Variants in BASP1 observed in about 807,000 individuals in gnomAD.
BASP1 encodes brain acid soluble protein 1.
Under a neutral mutation model 2.2 loss-of-function variants are expected in BASP1, and 1 was observed. The ratio of observed to expected loss-of-function variants is 0.46; its 90% confidence interval spans 0.16 to 2.17. The LOEUF (loss-of-function observed/expected upper bound fraction) is 2.17, where lower values mean the gene tolerates loss of function less well. Ranked by LOEUF, BASP1 falls within the 30% of genes most tolerant of loss-of-function variation. The pLI is 0.27. For synonymous variants in BASP1, 187 were observed against 154.2 expected (o/e 1.21, Z -1.58); for missense variants, 352 against 327.2 (o/e 1.08, Z -0.58).
intron 1 of BASP1, among the ~76,000 whole-genome samples, chr5:17,220,779 GAT>G (rs1353817196): frequency 1.2e-4 from 18 of 152,210 alleles, no homozygotes; most frequent in African/African-American, 3.9e-4. Context: ...AATCCTCCTG[GAT>G]CTTATGGTGC....
chr5:17,266,628 G>A (rs1740420164), intron 1 of BASP1, among the ~76,000 whole-genome samples: 1 of 152,092 alleles, frequency 6.6e-6, no homozygotes, highest in Non-Finnish European at 1.5e-5. Context: ...CCAACATGGT[G>A]AAACCCCGTC....
rs372354708 is a variant in BASP1, at chr5:17,275,456, G to A, written c.240G>A (p.Glu80=). 1 of 1,513,422 alleles carries A rather than the reference G, an allele frequency of 6.6e-7. No individual in the cohort carries two copies. The highest frequency in any genetic ancestry group is 2.3e-5 in the Admixed American group (1 of 42,972). 93.7% of individuals were successfully genotyped at this position (1,513,422 alleles called of 1,614,324 possible). A position where few individuals can be genotyped will look rare whatever the true frequency, so the allele number is the denominator to read the frequency against. ...EGEKDAAAAK[E]EAPKAEPEKT... ...AGAAGGACGCGGCGGCTGCCAAGGA[G>A]GAGGCCCCGAAGGCGGAGCCCGAGA... The change falls in exon 2 of 2, where the codon GAG becomes GAA. Residue 80 remains glutamate, a synonymous_variant. Coordinates refer to ENST00000322611, the MANE Select transcript of BASP1 (RefSeq NM_006317.5). The surrounding 1 kb of genome is among the most constrained non-coding windows in gnomAD (Gnocchi z 5.3).
At chr5:17,221,577 G>A (rs1042030625) in intron 1 of BASP1, among the ~76,000 whole-genome samples, 7 of 151,936 alleles carry the variant, frequency 4.6e-5, no homozygotes, top group Middle Eastern at 3.2e-3. Flanking sequence ...GTAACTGCTG[G>A]GGAAAAACAC....
At position 17,275,397 on chromosome 5, in the gene BASP1, G is replaced by A. The variant is rs2126523778; in HGVS notation, c.181G>A (p.Asp61Asn). 3 of 1,580,190 alleles carry A rather than the reference G, an allele frequency of 1.9e-6. No homozygotes were observed. In the East Asian group the frequency reaches 6.9e-5, roughly 36 times the overall value. Residue 61 changes from aspartate (D) to asparagine (N), a missense_variant, in exon 2 of 2, where the codon GAC becomes AAC. Coordinates refer to ENST00000322611, the MANE Select transcript of BASP1 (RefSeq NM_006317.5). The surrounding 1 kb of genome is among the most constrained non-coding windows in gnomAD (Gnocchi z 5.3). ...AKEGKEKPDQ[D>N]AEGKAEEKEG... ...GGAGGGCAAGGAGAAGCCCGACCAG[G>A]ACGCCGAGGGCAAGGCCGAGGAGAA...
chr5:17,235,495 C>T (rs1305712294), intron 1 of BASP1, among the ~76,000 whole-genome samples: 1 of 152,116 alleles, frequency 6.6e-6, no homozygotes, highest in Non-Finnish European at 1.5e-5. Context: ...ATCTCATGAC[C>T]TCATGATCAG....
At chr5:17,242,622 C>T (rs1314487514) in intron 1 of BASP1, among the ~76,000 whole-genome samples, 1 of 152,028 alleles carries the variant, frequency 6.6e-6, no homozygotes, top group African/African-American at 2.4e-5. Flanking sequence ...TTTATAAATG[C>T]TCAAGTCAGG....
intron 1 of BASP1, among the ~76,000 whole-genome samples, chr5:17,225,181 A>C (rs1275484481): frequency 6.6e-6 from 1 of 152,148 alleles, no homozygotes; most frequent in African/African-American, 2.4e-5. Context: ...CTGAGAGAGA[A>C]GCAGAGAATG....
At position 17,276,057 on chromosome 5, in the gene BASP1, A is replaced by G. The variant is rs1579507571; in HGVS notation, c.*157A>G. The G allele has an allele frequency of 5.0e-6, 2 of 397,510 alleles. No homozygotes were observed. The highest frequency in any genetic ancestry group is 8.0e-6 in the Non-Finnish European group (2 of 250,302). The allele number at this position is 397,510 out of a possible 1,614,324, so 24.6% of individuals were successfully genotyped here. A position where few individuals can be genotyped will look rare whatever the true frequency, so the allele number is the denominator to read the frequency against. Reference sequence around the variant, plus strand: ...ACTAACTTGTTTCAAATTGGAAGTAATGATATGTATTGCCCAAGGAAAAAT... The same window carrying G: ...ACTAACTTGTTTCAAATTGGAAGTAGTGATATGTATTGCCCAAGGAAAAAT... On this transcript the variant is annotated 3_prime_UTR_variant, in exon 2 of 2. Coordinates refer to ENST00000322611, the MANE Select transcript of BASP1 (RefSeq NM_006317.5).
chr5:17,242,496 T>G (rs997421558), intron 1 of BASP1, among the ~76,000 whole-genome samples: 2 of 152,130 alleles, frequency 1.3e-5, no homozygotes, highest in African/African-American at 2.4e-5. Context: ...GACACATCAT[T>G]GTCACCCAAA....
Position 17,275,773 on chromosome 5 carries a change from C to G in BASP1, c.557C>G (p.Thr186Ser). 6.2e-7 allele frequency: 1 copy of G among 1,613,058 alleles called. No individual in the cohort carries two copies. Among genetic ancestry groups the G allele is most frequent in the African/African-American group, 1.3e-5 (1 of 75,006 alleles). The stretch of plus-strand genomic sequence containing the variant: ...GAGGCTGCCCCCTCTTCCAAGGAGA[C>G]CCCCGCAGCCACGGAAGCGCCTAGT... The part of the protein sequence containing the change: ...SSEAAPSSKE[T>S]PAATEAPSST... Residue 186 changes from threonine (T) to serine (S), a missense_variant, in exon 2 of 2, where the codon ACC (threonine) becomes AGC (serine). By Grantham distance (58) the Thr-to-Ser change is moderately conservative (BLOSUM62 1). Transcript: ENST00000322611. This position sits in a 1 kb window ranked among gnomAD's most constrained non-coding sequence, Gnocchi z 5.3.
chr5:17,220,414 C>T (rs1739374251), intron 1 of BASP1, among the ~76,000 whole-genome samples: 2 of 151,668 alleles, frequency 1.3e-5, no homozygotes, highest in Admixed American at 1.3e-4. Flanking sequence ...CAAATATATA[C>T]CAGCATGTCC....
chr5:17,258,178 A>T lies in BASP1; in HGVS notation c.-9-17030A>T, dbSNP rs547975401. The stretch of plus-strand genomic sequence containing the variant: ...CAAAGGCAGTATATCTCTATAGCTG[A>T]TGAGATTTCACTGGGGCCGACACCA... On this transcript the variant is annotated intron_variant, in intron 1 of 1. Coordinates refer to ENST00000322611, the MANE Select transcript of BASP1 (RefSeq NM_006317.5). Among the ~76,000 whole-genome samples the T allele has an allele frequency of 2.6e-5, 4 of 152,144 alleles. No individual in the cohort carries two copies. In the South Asian group the frequency reaches 8.3e-4, roughly 32 times the overall value.
At chr5:17,241,521 C>T (rs1739863243) in intron 1 of BASP1, among the ~76,000 whole-genome samples, 1 of 152,158 alleles carries the variant, frequency 6.6e-6, no homozygotes, top group African/African-American at 2.4e-5. Context: ...CAGTGTAACC[C>T]AGAACATCTT....
chr5:17,230,879 AACAGTTT>A (rs780765374), intron 1 of BASP1, among the ~76,000 whole-genome samples: 2 of 152,128 alleles, frequency 1.3e-5, no homozygotes, highest in Non-Finnish European at 2.9e-5. Flanking sequence ...GTCTTTTTAA[AACAGTTT>A]ACGACTTTTA....
chr5:17,234,499 G>A (rs1330517642), intron 1 of BASP1, among the ~76,000 whole-genome samples: 4 of 152,202 alleles, frequency 2.6e-5, no homozygotes, highest in Non-Finnish European at 5.9e-5. Context: ...CTTCCTAAAA[G>A]TGGTTCAAGT....
At chr5:17,229,171 G>C (rs1468343031) in intron 1 of BASP1, among the ~76,000 whole-genome samples, 1 of 152,152 alleles carries the variant, frequency 6.6e-6, no homozygotes, top group Non-Finnish European at 1.5e-5. Context: ...GTTAGTGTGA[G>C]GTTTAACTGG....
At chr5:17,255,841 G>A (rs558620378) in intron 1 of BASP1, among the ~76,000 whole-genome samples, 1 of 152,238 alleles carries the variant, frequency 6.6e-6, no homozygotes, top group African/African-American at 2.4e-5. Flanking sequence ...CATATCTGTT[G>A]CAATTTCATG....
chr5:17,262,909 C>G (rs546617024), intron 1 of BASP1, among the ~76,000 whole-genome samples: 8 of 151,518 alleles, frequency 5.3e-5, no homozygotes, highest in Non-Finnish European at 1.0e-4. Context: ...TGCAGTGGCA[C>G]GATCTCGGCT....
intron 1 of BASP1, among the ~76,000 whole-genome samples, chr5:17,226,396 T>A (rs1312898815): frequency 6.6e-6 from 1 of 152,256 alleles, no homozygotes; most frequent in Non-Finnish European, 1.5e-5. Context: ...CCACTTCATT[T>A]TTCCTTTGAC....
Sources: allele counts gnomAD v4.1 joint callset (sites outside exome capture counted in the v4.1 genomes callset), GRCh38; gene constraint gnomAD v4.1.1; non-coding constraint Gnocchi (gnomAD v3.1); transcripts MANE v1.5; gene names NCBI Gene and HGNC (gene_info 2026-07-23, HGNC 2026-07-21).